Variants in FHIT observed in about 807,000 individuals in gnomAD.
FHIT encodes the protein fragile histidine triad diadenosine triphosphatase, also known as bis(5'-adenosyl)-triphosphatase.
A neutral mutation model predicts 17.9 loss-of-function variants in FHIT; 19 were observed. The observed-to-expected ratio is 1.06, with a 90% confidence interval of 0.74 to 1.56. The LOEUF (loss-of-function observed/expected upper bound fraction) is 1.56. Among genes scored for constraint, FHIT ranks in the 40% most tolerant of loss-of-function variants. The pLI, the probability that FHIT is intolerant of heterozygous loss-of-function variation, is 0.00. For synonymous variants in FHIT, 81 were observed against 69.7 expected (o/e 1.16, Z -0.81); for missense variants, 248 against 189.2 (o/e 1.31, Z -1.82).
At chr3:60,654,186 T>G (rs999082663) in intron 4 of FHIT, among the ~76,000 whole-genome samples, 1 of 152,212 alleles carries the variant, frequency 6.6e-6, no homozygotes, top group South Asian at 2.1e-4. Context: ...GTGCTTCCTG[T>G]AAAGCCTGCA....
At chr3:59,802,777 T>C (rs928838245) in intron 8 of FHIT, among the ~76,000 whole-genome samples, 16 of 152,314 alleles carry the variant, frequency 1.1e-4, no homozygotes, top group African/African-American at 3.1e-4. Context: ...CAGGTGTTCA[T>C]TGAGGGCCAG....
In FHIT at chr3:61,184,487, T is replaced by C. The variant is rs1332350000; in HGVS notation, c.-164+16130A>G. ...AGCAAGGAGCACGGGATCAAAATTT[T>C]TGAGGTGCTTCAGGGTCAGAAAGTT... On this transcript the variant is annotated intron_variant, in intron 2 of 9. Coordinates refer to ENST00000492590, the MANE Select transcript of FHIT (RefSeq NM_002012.4). 3.3e-5 allele frequency among the ~76,000 whole-genome samples: 5 copies of C among 152,066 alleles called. No individual in the cohort carries two copies. In the East Asian group the frequency reaches 5.8e-4, roughly 18 times the overall value.
intron 2 of FHIT, among the ~76,000 whole-genome samples, chr3:61,079,138 T>C (rs539180353): frequency 1.5e-3 from 225 of 152,330 alleles, no homozygotes; most frequent in African/African-American, 5.1e-3. Flanking sequence ...AATTTATCCT[T>C]GTGACATGTT....
intron 8 of FHIT, among the ~76,000 whole-genome samples, chr3:59,890,522 G>C (rs1703810181): frequency 6.6e-6 from 1 of 152,126 alleles, no homozygotes; most frequent in Non-Finnish European, 1.5e-5. Flanking sequence ...AAGTTCTGAA[G>C]TTCATCTGTT....
At chr3:60,102,240 T>C (rs764089701) in intron 5 of FHIT, among the ~76,000 whole-genome samples, 9 of 152,206 alleles carry the variant, frequency 5.9e-5, no homozygotes, top group Non-Finnish European at 1.0e-4. Flanking sequence ...TCAGTATAGA[T>C]TGAGGCTGAG....
chr3:60,842,639 A>ATTTTTTTT (rs1702771249), intron 3 of FHIT, among the ~76,000 whole-genome samples: 18 of 43,394 alleles, frequency 4.1e-4, no homozygotes, highest in Non-Finnish European at 6.9e-4. Flanking sequence ...GTATATATAT[A>ATTTTTTTT]TATATATTTT....
intron 4 of FHIT, among the ~76,000 whole-genome samples, chr3:60,819,157 A>C (rs998542178): frequency 6.6e-6 from 1 of 151,930 alleles, no homozygotes; most frequent in Non-Finnish European, 1.5e-5. Flanking sequence ...AACATTTAGG[A>C]AACATTCCTT....
chr3:60,855,751 C>T (rs1553749760), intron 3 of FHIT, among the ~76,000 whole-genome samples: 1 of 152,098 alleles, frequency 6.6e-6, no homozygotes, highest in East Asian at 1.9e-4. Flanking sequence ...CTGTGGGACT[C>T]CCTTAAAGTT....
chr3:60,725,146 A>G (rs879977403), intron 4 of FHIT, among the ~76,000 whole-genome samples: 1 of 152,012 alleles, frequency 6.6e-6, no homozygotes, highest in Admixed American at 6.6e-5. Flanking sequence ...TCTTTTTATT[A>G]TTGATTTGTA....
chr3:60,766,569 T>C lies in FHIT; in HGVS notation c.-18+55350A>G, dbSNP rs570309519. 1.2e-4 allele frequency among the ~76,000 whole-genome samples: 19 copies of C among 152,332 alleles called. 2 individuals are homozygous for C. The South Asian group carries it at 3.3e-3, about 27-fold the overall frequency. On this transcript the variant is annotated intron_variant, in intron 4 of 9. Coordinates refer to ENST00000492590, the MANE Select transcript of FHIT (RefSeq NM_002012.4). ...TCCATACTCGAATAATTTTATCCTATAACATCTCAACAGATTTTGTCTCTA... is the reference window on the plus strand; with the variant it reads ...TCCATACTCGAATAATTTTATCCTACAACATCTCAACAGATTTTGTCTCTA...
In FHIT at chr3:60,252,380, T is replaced by TA. The variant is rs1165436465; in HGVS notation, c.104-238229dup. On this transcript the variant is annotated intron_variant, in intron 5 of 9. Coordinates refer to ENST00000492590, the MANE Select transcript of FHIT (RefSeq NM_002012.4). ...GCAACATAGCGAAACCCCGTCTCTA[T>TA]AAAAAAATTTTAAAAATTTAAAAAA... 4.6e-5 allele frequency among the ~76,000 whole-genome samples: 7 copies of TA among 151,806 alleles called. No individual in the cohort carries two copies. In the South Asian group the frequency reaches 6.3e-4, roughly 14 times the overall value.
chr3:60,822,643 C>A (rs73109670), intron 3 of FHIT, among the ~76,000 whole-genome samples: 2 of 152,014 alleles, frequency 1.3e-5, no homozygotes, highest in African/African-American at 4.8e-5. Context: ...CTCTATCAAA[C>A]GGGTATAATA....
chr3:60,238,766 C>T (rs933115212), intron 5 of FHIT, among the ~76,000 whole-genome samples: 2 of 152,112 alleles, frequency 1.3e-5, no homozygotes, highest in Non-Finnish European at 2.9e-5. Context: ...ATTCACTTCC[C>T]CTTCATGCCA....
chr3:59,791,337 G>T (rs1213362556), intron 8 of FHIT, among the ~76,000 whole-genome samples: 2 of 152,066 alleles, frequency 1.3e-5, no homozygotes, highest in Non-Finnish European at 2.9e-5. Flanking sequence ...TGGGGTGGGG[G>T]AAACCCACAA....
intron 4 of FHIT, among the ~76,000 whole-genome samples, chr3:60,588,021 C>T (rs938412512): frequency 6.6e-6 from 1 of 151,870 alleles, no homozygotes; most frequent in Non-Finnish European, 1.5e-5. Flanking sequence ...CATTTAAAAG[C>T]AGTTGTGATT....
intron 5 of FHIT, among the ~76,000 whole-genome samples, chr3:60,459,055 T>C (rs1037629783): frequency 2.0e-5 from 3 of 152,158 alleles, no homozygotes; most frequent in African/African-American, 7.2e-5. Flanking sequence ...GTGCTGGGAT[T>C]ACAAGCATGA....
intron 3 of FHIT, among the ~76,000 whole-genome samples, chr3:60,926,704 C>T (rs1186092712): frequency 2.0e-5 from 3 of 152,180 alleles, no homozygotes; most frequent in African/African-American, 7.2e-5. Flanking sequence ...TAACTAACAT[C>T]AGAGCAGAAC....
At chr3:60,291,889 G>A (rs1440733584) in intron 5 of FHIT, among the ~76,000 whole-genome samples, 1 of 152,134 alleles carries the variant, frequency 6.6e-6, no homozygotes, top group Non-Finnish European at 1.5e-5. Flanking sequence ...AGCTCGAAGA[G>A]GCAAGGAAGT....
At chr3:59,770,037 G>A (rs1702004100) in intron 8 of FHIT, among the ~76,000 whole-genome samples, 1 of 152,100 alleles carries the variant, frequency 6.6e-6, no homozygotes, top group African/African-American at 2.4e-5. Context: ...TGAGAGACAA[G>A]GAAAAGCAAA....
Sources: gnomAD v4.1 joint callset for allele counts (sites outside exome capture counted in the v4.1 genomes callset) on GRCh38, gnomAD v4.1.1 for gene constraint, MANE v1.5 for transcripts, NCBI Gene and HGNC (gene_info 2026-07-23, HGNC 2026-07-21) for gene names.